The following KNSTRN variants were observed in gnomAD, a reference collection of about 807,000 sequenced individuals.
KNSTRN encodes the protein small kinetochore-associated protein.
Under a neutral mutation model 44.7 loss-of-function variants are expected in KNSTRN, and 38 were observed. That is an observed-to-expected ratio of 0.85 (90% CI 0.66 to 1.11). The LOEUF (loss-of-function observed/expected upper bound fraction) is 1.11, where lower values mean the gene tolerates loss of function less well. KNSTRN is among the 50% of genes most tolerant of loss of function. KNSTRN has a pLI of 0.00. For synonymous variants in KNSTRN, 158 were observed against 148.1 expected, an observed-to-expected ratio of 1.07 and a Z score of -0.48; for missense variants, 406 against 375.8, an observed-to-expected ratio of 1.08 and a Z score of -0.66.
chr15:40,384,590 AG>A (rs1889872881), intron 2 of KNSTRN: 1 of 427,648 alleles, frequency 2.3e-6, no homozygotes, highest in South Asian at 1.6e-5. Flanking sequence ...TAGCTCTCTC[AG>A]CCAAGTTGGA....
intron 6 of KNSTRN, 118 bp from the exon 7 acceptor site, chr15:40,391,375 A>G: frequency 1.3e-6 from 1 of 759,290 alleles, no homozygotes; most frequent in Non-Finnish European, 2.2e-6. Context: ...CCAGGATGAG[A>G]CACTTAAGAG....
rs529644219 is a variant in KNSTRN at position 40,388,981 on chromosome 15, C to T, written c.486-525C>T. On this transcript the variant is annotated intron_variant, in intron 4 of 8. Transcript: ENST00000249776. ...TAAGAAATGCACACGTGTTTTCTCT[C>T]TTATTACTCATAATAATAATACTAT... Among the ~76,000 whole-genome samples the T allele has an allele frequency of 5.7e-4, 87 of 152,264 alleles. 1 individual carries two copies. The highest frequency in any genetic ancestry group is 2.1e-3 in the African/African-American group (86 of 41,554).
In KNSTRN at chr15:40,382,735, A is replaced by G; in HGVS notation, c.-101A>G. 9.7e-7 allele frequency: 1 copy of G among 1,033,720 alleles called. No individual in the cohort carries two copies. The highest frequency in any genetic ancestry group is 1.6e-5 in the African/African-American group (1 of 62,216). 64.0% of individuals were successfully genotyped at this position (1,033,720 alleles called of 1,614,324 possible). A position where few individuals can be genotyped will look rare whatever the true frequency, so the allele number is the denominator to read the frequency against. On this transcript the variant is annotated 5_prime_UTR_variant, in exon 1 of 9. Coordinates refer to ENST00000249776, the MANE Select transcript of KNSTRN (RefSeq NM_033286.4). ...GCTGGTAGCTCATTAGCTCCATTCA[A>G]GCCTACAAATTGCATCACCCTCCTC...
chr15:40,391,869 T>A, intron 7 of KNSTRN, 80 bp from the exon 8 acceptor site: 1 of 1,091,302 alleles, frequency 9.2e-7, no homozygotes, highest in East Asian at 2.4e-5. Flanking sequence ...GAGAACTGTG[T>A]GGAAAGGATG....
At chr15:40,388,207 G>A (rs1488535461) in intron 4 of KNSTRN, among the ~76,000 whole-genome samples, 1 of 152,198 alleles carries the variant, frequency 6.6e-6, no homozygotes, top group Non-Finnish European at 1.5e-5. Context: ...TCAGAGCTGA[G>A]AGCCCCGAAC....
Position 40,383,164 on chromosome 15 carries a change from G to A in KNSTRN, c.210-64G>A, listed in dbSNP as rs1038911369. ...GGGCCTGTCGGGTCGCGCTATCCCCGGGCCCTCCACTCTCTCGGGCCCAGT... is the reference window on the plus strand; with the variant it reads ...GGGCCTGTCGGGTCGCGCTATCCCCAGGCCCTCCACTCTCTCGGGCCCAGT... On this transcript the variant is annotated intron_variant, in intron 1 of 8. Transcript: ENST00000249776. 1.3e-5 allele frequency: 21 copies of A among 1,581,896 alleles called. No homozygotes were observed. In the African/African-American group the frequency reaches 2.8e-4, roughly 21 times the overall value.
Position 40,391,481 on chromosome 15 carries a change from T to C in KNSTRN, c.686-12T>C. 1 of 1,612,154 alleles carries C rather than the reference T, an allele frequency of 6.2e-7. No individual in the cohort carries two copies. The highest frequency in any genetic ancestry group is 8.5e-7 in the Non-Finnish European group (1 of 1,178,256). On this transcript the variant is annotated splice_polypyrimidine_tract_variant and intron_variant, in intron 6 of 8. Transcript: ENST00000249776. ...GTTCCCTAAGTGAGATTGACTTTGTTGTATCCATCAGCTTTAGGCAGTGAG... is the reference window on the plus strand; with the variant it reads ...GTTCCCTAAGTGAGATTGACTTTGTCGTATCCATCAGCTTTAGGCAGTGAG...
chr15:40,391,500 C>T lies in KNSTRN; in HGVS notation c.693C>T (p.Gly231=). 1 of 1,613,586 alleles carries T rather than the reference C, an allele frequency of 6.2e-7. No individual in the cohort carries two copies. The highest frequency in any genetic ancestry group is 8.5e-7 in the Non-Finnish European group (1 of 1,179,610). ...LESKGLDPAL[G]SETLASRQES... is the part of the protein sequence containing the mutation. ...CTTTGTTGTATCCATCAGCTTTAGG[C>T]AGTGAGACCCTGGCATCACGACAAG... The change falls in exon 7 of 9, where the codon GGC becomes GGT. Residue 231 remains glycine (G), a synonymous_variant. Coordinates refer to ENST00000249776, the MANE Select transcript of KNSTRN (RefSeq NM_033286.4).
At chr15:40,383,073 G>T in intron 1 of KNSTRN, 29 bp downstream of exon 1, 1 of 1,605,976 alleles carries the variant, frequency 6.2e-7, no homozygotes, top group Non-Finnish European at 8.5e-7. Flanking sequence ...GAGGGACTGG[G>T]CTGGATGGGA....
At chr15:40,389,130 C>A (rs1198279789) in intron 4 of KNSTRN, 4 of 454,112 alleles carry the variant, frequency 8.8e-6, no homozygotes, top group Non-Finnish European at 1.8e-5. Context: ...GTTTGTGTAA[C>A]TCTGTAGGCC....
rs988271275 is a variant in KNSTRN, at chr15:40,382,865, C to G, written c.30C>G (p.Asp10Glu). 1.2e-6 allele frequency: 2 copies of G among 1,612,132 alleles called. No homozygotes were observed. Among genetic ancestry groups the G allele is most frequent in the Non-Finnish European group, 1.7e-6 (2 of 1,179,966 alleles). Residue 10 changes from aspartate to glutamate, a missense_variant, in exon 1 of 9, where the codon GAC becomes GAG. Transcript: ENST00000249776. MAAPEAPPL[D>E]RVFRTTWLST... ...CGGCTCCCGAAGCCCCGCCCCTGGA[C>G]AGAGTTTTCCGTACAACATGGCTGT...
Position 40,383,245 on chromosome 15 carries a change from T to C in KNSTRN, c.227T>C (p.Leu76Pro). Reference protein sequence around the residue: ...RRAPGVQPCRLVTMTSVVKTV... With the variant: ...RRAPGVQPCRPVTMTSVVKTV... ...CCTTCCAGGGTTCAGCCGTGCCGCC[T>C]CGTTACGATGACCAGTGTGGTTAAG... Residue 76 changes from leucine to proline, a missense_variant, in exon 2 of 9, where the codon CTC (leucine) becomes CCC (proline). Leu to Pro is a moderately conservative substitution (Grantham distance 98). Transcript: ENST00000249776. 6.2e-7 allele frequency: 1 copy of C among 1,614,060 alleles called. No individual in the cohort carries two copies. Among genetic ancestry groups the C allele is most frequent in the Non-Finnish European group, 8.5e-7 (1 of 1,179,952 alleles).
intron 3 of KNSTRN, chr15:40,386,827 C>G (rs1420092760): frequency 5.9e-6 from 3 of 510,714 alleles, no homozygotes; most frequent in Middle Eastern, 1.1e-3. Context: ...GCTCTGACCA[C>G]ACAGTCCAGC....
At chr15:40,391,680 A>C (rs1890000337) in intron 7 of KNSTRN, 126 bp downstream of exon 7, 1 of 821,168 alleles carries the variant, frequency 1.2e-6, no homozygotes, top group Non-Finnish European at 2.0e-6. Context: ...TGATGCTAGA[A>C]AAGAGAAATG....
chr15:40,391,811 G>T lies in KNSTRN; in HGVS notation c.748-138G>T, dbSNP rs1004703997. ...GTAAACCTGTAGAGAGAGCTTTCTC[G>T]TTCTTCTGTTCTATACTTTATCAAA... On this transcript the variant is annotated intron_variant, in intron 7 of 8. Transcript: ENST00000249776. 3.8e-5 allele frequency: 28 copies of T among 728,050 alleles called. No homozygotes were observed. The South Asian group carries it at 4.8e-4, about 12-fold the overall frequency. 45.1% of individuals were successfully genotyped at this position (728,050 alleles called of 1,614,324 possible). A position where few individuals can be genotyped will look rare whatever the true frequency, so the allele number is the denominator to read the frequency against.
chr15:40,382,976 G>C lies in KNSTRN; in HGVS notation c.141G>C (p.Thr47=), dbSNP rs367599710. ...AGGCGGCCGACTTAGCCGGTGGCAC[G>C]ACAGTTGCTGCAGGGAATCTTTTAA... The part of the protein sequence containing the change: ...ETQAADLAGG[T]TVAAGNLLNE... Residue 47 remains threonine, a synonymous_variant, in exon 1 of 9, where the codon ACG becomes ACC. Transcript: ENST00000249776. The C allele has an allele frequency of 7.4e-6, 12 of 1,612,100 alleles. No homozygotes were observed. Among genetic ancestry groups the C allele is most frequent in the Middle Eastern group, 2.2e-4 (1 of 4,480 alleles).
chr15:40,392,529 A>G (rs1257261238), intron 8 of KNSTRN, among the ~76,000 whole-genome samples: 1 of 152,202 alleles, frequency 6.6e-6, no homozygotes, highest in African/African-American at 2.4e-5. Context: ...TCTCTACAAA[A>G]TAAAATTTAG....
chr15:40,389,535 A>G lies in KNSTRN; in HGVS notation c.515A>G (p.Glu172Gly), dbSNP rs1212648922. The G allele has an allele frequency of 6.2e-7, 1 of 1,614,032 alleles. No homozygotes were observed. The highest frequency in any genetic ancestry group is 1.1e-5 in the South Asian group (1 of 91,084). ...AAACCACTGAGTAAGCAAAAATCAG[A>G]GGAAGAGCTCAAGGACAAGAACCAG... is the stretch of plus-strand genomic sequence containing the variant. ...GYKPLSKQKS[E>G]EELKDKNQLL... is the part of the protein sequence containing the mutation. The change falls in exon 5 of 9, where the codon GAG (glutamate) becomes GGG (glycine). Residue 172 changes from glutamate (E) to glycine (G), a missense_variant. Glu to Gly is a moderately conservative substitution (Grantham distance 98, BLOSUM62 -2). Coordinates refer to ENST00000249776, the MANE Select transcript of KNSTRN (RefSeq NM_033286.4).
At chr15:40,391,826 A>T in intron 7 of KNSTRN, 123 bp from the exon 8 acceptor site, 1 of 791,102 alleles carries the variant, frequency 1.3e-6, no homozygotes, top group Non-Finnish European at 2.1e-6. Flanking sequence ...TCTGTTCTAT[A>T]CTTTATCAAA....
Sources: allele counts gnomAD v4.1 joint callset (sites outside exome capture counted in the v4.1 genomes callset), GRCh38; gene constraint gnomAD v4.1.1; transcripts MANE v1.5; gene names NCBI Gene and HGNC (gene_info 2026-07-23, HGNC 2026-07-21).